CNTNAP2: variants seen among roughly 807,000 people sequenced by gnomAD.
CNTNAP2 encodes the protein contactin associated protein 2, also known as contactin-associated protein-like 2.
Under a neutral mutation model 155.2 loss-of-function variants are expected in CNTNAP2, and 98 were observed. The ratio of observed to expected loss-of-function variants is 0.63; its 90% CI spans 0.54 to 0.75. The LOEUF (loss-of-function observed/expected upper bound fraction) is 0.75. Among genes scored for constraint, CNTNAP2 ranks in the 30% least tolerant of loss-of-function variants. The probability of loss-of-function intolerance (pLI) is 0.00; values close to 1 mark genes in which losing one functional copy is unlikely to be tolerated. For missense variants in CNTNAP2, 1,727 were observed against 1,688.1 expected, an observed-to-expected ratio of 1.02 and a Z score of -0.40; for synonymous variants, 651 against 631.2, an observed-to-expected ratio of 1.03 and a Z score of -0.47.
chr7:147,364,562 A>G (rs10268483), intron 9 of CNTNAP2, among the ~76,000 whole-genome samples: 24,313 of 152,236 alleles, frequency 0.16, 2,068 homozygotes, highest in Middle Eastern at 0.18. Flanking sequence ...TTAATGGAAG[A>G]CAAGGCTTAT....
chr7:148,007,072 C>G (rs1180368085), intron 15 of CNTNAP2, among the ~76,000 whole-genome samples: 2 of 152,220 alleles, frequency 1.3e-5, no homozygotes, highest in Non-Finnish European at 2.9e-5. Flanking sequence ...CCAAACAATT[C>G]AGCAGCTCTT....
chr7:147,604,387 G>A (rs2116866030), intron 12 of CNTNAP2, among the ~76,000 whole-genome samples: 1 of 152,250 alleles, frequency 6.6e-6, no homozygotes, highest in East Asian at 1.9e-4. Context: ...GAAAAAAACA[G>A]TCTATTGCAA....
intron 14 of CNTNAP2, among the ~76,000 whole-genome samples, chr7:147,967,593 T>C (rs1364116608): frequency 6.6e-6 from 1 of 152,204 alleles, no homozygotes; most frequent in Non-Finnish European, 1.5e-5. Context: ...CACTGTTTTA[T>C]TCCTAGTCTA....
At chr7:146,251,049 C>A (rs576106180) in intron 1 of CNTNAP2, among the ~76,000 whole-genome samples, 1 of 152,136 alleles carries the variant, frequency 6.6e-6, no homozygotes, top group Admixed American at 6.5e-5. Flanking sequence ...TAGACCCTTT[C>A]TTATACATAA....
intron 13 of CNTNAP2, among the ~76,000 whole-genome samples, chr7:147,798,975 T>A (rs1394008103): frequency 6.6e-6 from 1 of 152,068 alleles, no homozygotes; most frequent in East Asian, 1.9e-4. Flanking sequence ...AGAAGATGGA[T>A]GATGGTAAGC....
chr7:148,043,695 G>A (rs1485794447), intron 15 of CNTNAP2, among the ~76,000 whole-genome samples: 2 of 152,154 alleles, frequency 1.3e-5, no homozygotes, highest in African/African-American at 4.8e-5. Context: ...TGCACCAAAT[G>A]TGCTTGGGAA....
intron 8 of CNTNAP2, among the ~76,000 whole-genome samples, chr7:147,268,248 ACACT>A (rs1804660846): frequency 1.5e-5 from 2 of 133,008 alleles, no homozygotes; most frequent in East Asian, 1.9e-4. Flanking sequence ...CACTCATTCG[ACACT>A]CATTCACTTC....
chr7:147,152,861 A>G (rs1801853335), intron 8 of CNTNAP2, among the ~76,000 whole-genome samples: 1 of 152,166 alleles, frequency 6.6e-6, no homozygotes, highest in Admixed American at 6.6e-5. Flanking sequence ...AGATGTTCAG[A>G]GAACAGCCCA....
At chr7:148,252,820 C>T (rs1796387039) in intron 20 of CNTNAP2, among the ~76,000 whole-genome samples, 2 of 152,054 alleles carry the variant, frequency 1.3e-5, no homozygotes, top group Non-Finnish European at 2.9e-5. Context: ...GTCTCCCCCA[C>T]TATTATATAC....
intron 10 of CNTNAP2, among the ~76,000 whole-genome samples, chr7:147,407,066 C>T (rs116581992): frequency 8.5e-5 from 13 of 152,272 alleles, no homozygotes; most frequent in Middle Eastern, 3.4e-3. Flanking sequence ...AAGACCCCCC[C>T]CTCTGGGAAA....
chr7:147,552,570 C>CAA lies in CNTNAP2; in HGVS notation c.1778-9567_1778-9566dup, dbSNP rs1424497643. ...TTTCTTTACTCCATTTTACTTTCCT[C>CAA]AACACACACACACACACACACACAC... is the stretch of plus-strand genomic sequence containing the variant. On this transcript the variant is annotated intron_variant, in intron 11 of 23. Transcript: ENST00000361727. 3.7e-3 allele frequency among the ~76,000 whole-genome samples: 471 copies of CAA among 126,508 alleles called. 4 individuals carry two copies. Among genetic ancestry groups the CAA allele is most frequent in the African/African-American group, 0.014 (448 of 31,830 alleles). The allele number at this position is 126,508 out of a possible 152,430, so 83.0% of individuals were successfully genotyped here.
intron 8 of CNTNAP2, among the ~76,000 whole-genome samples, chr7:147,270,791 T>C (rs1804729275): frequency 6.6e-6 from 1 of 152,226 alleles, no homozygotes; most frequent in South Asian, 2.1e-4. Context: ...TCTTTGAATC[T>C]AGTCAGAGTC....
intron 13 of CNTNAP2, among the ~76,000 whole-genome samples, chr7:147,801,943 C>T (rs1440244348): frequency 6.0e-5 from 9 of 149,446 alleles, no homozygotes; most frequent in African/African-American, 1.5e-4. Flanking sequence ...GGCGGCTGGC[C>T]GGGCGGGGGG....
chr7:148,057,411 G>C (rs1310993226), intron 15 of CNTNAP2, among the ~76,000 whole-genome samples: 1 of 152,088 alleles, frequency 6.6e-6, no homozygotes, highest in Non-Finnish European at 1.5e-5. Context: ...GTGTCGAAAG[G>C]TCCTAACATG....
chr7:146,678,943 CTT>C (rs1800451733), intron 1 of CNTNAP2, among the ~76,000 whole-genome samples: 1 of 152,132 alleles, frequency 6.6e-6, no homozygotes, highest in South Asian at 2.1e-4. Context: ...TTTATGGCAA[CTT>C]GAGTATTTGA....
At chr7:148,201,603 A>G (rs753902340) in intron 18 of CNTNAP2, among the ~76,000 whole-genome samples, 3 of 152,150 alleles carry the variant, frequency 2.0e-5, no homozygotes, top group Non-Finnish European at 4.4e-5. Flanking sequence ...TGGTTTCCCT[A>G]ATTCTCAGGA....
At chr7:148,247,615 CTCTCTCTCTCTATT>C (rs1363852858) in intron 20 of CNTNAP2, among the ~76,000 whole-genome samples, 4 of 146,772 alleles carry the variant, frequency 2.7e-5, no homozygotes, top group African/African-American at 1.0e-4. Flanking sequence ...CTCTCTCTCT[CTCTCTCTCTCTATT>C]TATTTATTTA....
intron 9 of CNTNAP2, among the ~76,000 whole-genome samples, chr7:147,387,464 C>T (rs2116435462): frequency 6.6e-6 from 1 of 152,212 alleles, no homozygotes; most frequent in South Asian, 2.1e-4. Flanking sequence ...CAGGTGGCCC[C>T]CCAGTATCAA....
intron 3 of CNTNAP2, among the ~76,000 whole-genome samples, chr7:147,021,906 C>T (rs1263324869): frequency 1.3e-5 from 2 of 152,070 alleles, no homozygotes; most frequent in Non-Finnish European, 2.9e-5. Flanking sequence ...TCATGAAGGA[C>T]ACTCATGTAC....
Sources: allele counts gnomAD v4.1 joint callset (sites outside exome capture counted in the v4.1 genomes callset), GRCh38; gene constraint gnomAD v4.1.1; transcripts MANE v1.5; gene names NCBI Gene and HGNC (gene_info 2026-07-23, HGNC 2026-07-21).